The following CDK5R1 variants were observed in gnomAD, a reference collection of about 807,000 sequenced individuals.
The protein encoded by CDK5R1 is cyclin dependent kinase 5 regulatory subunit 1.
A neutral mutation model predicts 19.0 loss-of-function variants in CDK5R1; 1 was observed. The observed-to-expected ratio is 0.05, with a 90% CI of 0.02 to 0.25. The LOEUF (loss-of-function observed/expected upper bound fraction) is 0.25. CDK5R1 is among the 10% of genes least tolerant of loss of function. The probability of loss-of-function intolerance (pLI) is 1.00; values close to 1 mark genes in which losing one functional copy is unlikely to be tolerated. For missense variants in CDK5R1, 314 were observed against 401.0 expected (o/e 0.78, Z 1.85); for synonymous variants, 225 against 187.7 (o/e 1.20, Z -1.62).
Position 32,488,512 on chromosome 17 carries a change from A to G in CDK5R1, c.892A>G (p.Lys298Glu). Residue 298 changes from lysine (K) to glutamate (E), a missense_variant, in exon 2 of 2, where the codon AAG (lysine) becomes GAG (glutamate). This residue lies in a region of CDK5R1 where 106 missense variants were observed against 132.1 expected (regional missense o/e 0.80). Coordinates refer to ENST00000313401, the MANE Select transcript of CDK5R1 (RefSeq NM_003885.3). ...GAAGAACGAGAGCGGCCAGGAGGAC[A>G]AGAAGCGGCTCCTCCTAGGCCTGGA... ...DLKNESGQED[K>E]KRLLLGLDR The G allele has an allele frequency of 6.2e-7, 1 of 1,614,200 alleles. No homozygotes were observed. The highest frequency in any genetic ancestry group is 8.5e-7 in the Non-Finnish European group (1 of 1,180,038).
At position 32,489,074 on chromosome 17, in the gene CDK5R1, G is replaced by C. The variant is rs1243428053; in HGVS notation, c.*530G>C. Reference sequence around the variant, plus strand: ...AATCTAGGCGAGGCGAAGCTGAGCGGGTCTAGTGGAAAGATTGTGTCTGGT... The same window carrying C: ...AATCTAGGCGAGGCGAAGCTGAGCGCGTCTAGTGGAAAGATTGTGTCTGGT... On this transcript the variant is annotated 3_prime_UTR_variant, in exon 2 of 2. Coordinates refer to ENST00000313401, the MANE Select transcript of CDK5R1 (RefSeq NM_003885.3). 2 of 463,148 alleles carry C rather than the reference G, an allele frequency of 4.3e-6. No individual in the cohort carries two copies. The highest frequency in any genetic ancestry group is 7.0e-5 in the East Asian group (1 of 14,262). The allele number at this position is 463,148 out of a possible 1,614,324, so 28.7% of individuals were successfully genotyped here. A position where few individuals can be genotyped will look rare whatever the true frequency, so the allele number is the denominator to read the frequency against.
chr17:32,488,503 CAGG>C lies in CDK5R1; in HGVS notation c.888_890del (p.Glu296del). On this transcript the variant is annotated inframe_deletion, in exon 2 of 2. Transcript: ENST00000313401. Reference sequence around the variant, plus strand: ...CTCCGACCTGAAGAACGAGAGCGGCCAGGAGGACAAGAAGCGGCTCCTCCTAGG... The same window carrying C: ...CTCCGACCTGAAGAACGAGAGCGGCCAGGACAAGAAGCGGCTCCTCCTAGG... 2 of 1,614,170 alleles carry C rather than the reference CAGG, an allele frequency of 1.2e-6. No homozygotes were observed. The highest frequency in any genetic ancestry group is 1.7e-6 in the Non-Finnish European group (2 of 1,180,036).
rs952159062 is a variant in CDK5R1, at chr17:32,487,030, T to TCGC, written c.-269_-267dup. ...GCTGCCGCCGCCGCCGCCGCCGCCG[T>TCGC]CGCCGCCGCCGAGCGCGAGCCCAGC... is the stretch of plus-strand genomic sequence containing the variant. On this transcript the variant is annotated 5_prime_UTR_variant, in exon 1 of 2. Coordinates refer to ENST00000313401, the MANE Select transcript of CDK5R1 (RefSeq NM_003885.3). The surrounding 1 kb of genome is among the most constrained non-coding windows in gnomAD (Gnocchi z 7.9). 4 of 151,632 alleles carry TCGC rather than the reference T, an allele frequency of 2.6e-5. No individual in the cohort carries two copies. The highest frequency in any genetic ancestry group is 7.8e-5 in the African/African-American group (3 of 38,662). 9.4% of individuals were successfully genotyped at this position (151,632 alleles called of 1,614,324 possible).
rs907747231 is a variant in CDK5R1 at position 32,490,234 on chromosome 17, C to T, written c.*1690C>T. ...CTGGCACAGACTTCACACAGCACCT[C>T]CTCTCTGCTGGGTTTCCACACAGCC... On this transcript the variant is annotated 3_prime_UTR_variant, in exon 2 of 2. Coordinates refer to ENST00000313401, the MANE Select transcript of CDK5R1 (RefSeq NM_003885.3). The T allele has an allele frequency of 1.2e-5, 2 of 167,122 alleles. No homozygotes were observed. The highest frequency in any genetic ancestry group is 2.4e-5 in the African/African-American group (1 of 41,456). The allele number at this position is 167,122 out of a possible 1,614,324, so 10.4% of individuals were successfully genotyped here. A position where few individuals can be genotyped will look rare whatever the true frequency, so the allele number is the denominator to read the frequency against.
rs1908726288 is a variant in CDK5R1 at position 32,487,759 on chromosome 17, A to G, written c.139A>G (p.Ile47Val). The stretch of plus-strand genomic sequence containing the variant: ...CAAGAACCTGAAGCGCCACTCCATC[A>G]TCTCCGTGCTGCCTTGGAAGAGAAT... ...KDKNLKRHSI[I>V]SVLPWKRIVA... Residue 47 changes from isoleucine (I) to valine (V), a missense_variant, in exon 2 of 2, where the codon ATC (isoleucine) becomes GTC (valine). By Grantham distance (29) the Ile-to-Val change is conservative. Coordinates refer to ENST00000313401, the MANE Select transcript of CDK5R1 (RefSeq NM_003885.3). This position sits in a 1 kb window ranked among gnomAD's most constrained non-coding sequence, Gnocchi z 7.9. The G allele has an allele frequency of 6.2e-7, 1 of 1,614,126 alleles. No individual in the cohort carries two copies. The highest frequency in any genetic ancestry group is 2.2e-5 in the East Asian group (1 of 44,868).
Position 32,487,496 on chromosome 17 carries a change from C to A in CDK5R1, c.-125C>A. ...TCCAGGCAGATCCAAGGGGGCAGCA[C>A]GCTTCCCGGGAGCGCCCCCGCCTCC... is the stretch of plus-strand genomic sequence containing the variant. On this transcript the variant is annotated 5_prime_UTR_variant, in exon 2 of 2. Coordinates refer to ENST00000313401, the MANE Select transcript of CDK5R1 (RefSeq NM_003885.3). This position sits in a 1 kb window ranked among gnomAD's most constrained non-coding sequence, Gnocchi z 7.9. The A allele has an allele frequency of 3.0e-6, 2 of 668,602 alleles. No homozygotes were observed. The highest frequency in any genetic ancestry group is 5.0e-6 in the Non-Finnish European group (2 of 402,532). The allele number at this position is 668,602 out of a possible 1,614,324, so 41.4% of individuals were successfully genotyped here.
chr17:32,487,654 C>T lies in CDK5R1; in HGVS notation c.34C>T (p.Arg12Trp). Residue 12 changes from arginine to tryptophan, a missense_variant, in exon 2 of 2, where the codon CGG (arginine) becomes TGG (tryptophan). Physicochemically the swap from Arg to Trp is moderately radical, Grantham distance 101. This residue lies in a region of CDK5R1 where 197 missense variants were observed against 230.2 expected (regional missense o/e 0.86). Transcript: ENST00000313401. This position sits in a 1 kb window ranked among gnomAD's most constrained non-coding sequence, Gnocchi z 7.9. The part of the protein sequence containing the change: ...GTVLSLSPSY[R>W]KATLFEDGAA... Reference sequence around the variant, plus strand: ...GGTGCTGTCCCTGTCTCCCAGCTACCGGAAGGCCACGCTGTTTGAGGATGG... The same window carrying T: ...GGTGCTGTCCCTGTCTCCCAGCTACTGGAAGGCCACGCTGTTTGAGGATGG... 2 of 1,613,546 alleles carry T rather than the reference C, an allele frequency of 1.2e-6. No homozygotes were observed. Among genetic ancestry groups the T allele is most frequent in the Non-Finnish European group, 1.7e-6 (2 of 1,179,946 alleles).
chr17:32,490,615 TGCAA>T lies in CDK5R1; in HGVS notation c.*2076_*2079del, dbSNP rs1908837876. 1 of 167,086 alleles carries T rather than the reference TGCAA, an allele frequency of 6.0e-6. No individual in the cohort carries two copies. The highest frequency in any genetic ancestry group is 2.1e-4 in the South Asian group (1 of 4,832). The allele number at this position is 167,086 out of a possible 1,614,324, so 10.4% of individuals were successfully genotyped here. A position where few individuals can be genotyped will look rare whatever the true frequency, so the allele number is the denominator to read the frequency against. ...AAGGAACAACTGATATACTTGAGTG[TGCAA>T]GCAAAGAACCCATTTGCCATGCTGC... On this transcript the variant is annotated 3_prime_UTR_variant, in exon 2 of 2. Transcript: ENST00000313401.
At position 32,491,069 on chromosome 17, in the gene CDK5R1, TG is replaced by T; in HGVS notation, c.*2528del. The T allele has an allele frequency of 1.8e-5, 3 of 167,260 alleles. No individual in the cohort carries two copies. 10.4% of individuals were successfully genotyped at this position (167,260 alleles called of 1,614,324 possible). A position where few individuals can be genotyped will look rare whatever the true frequency, so the allele number is the denominator to read the frequency against. ...CTGTAGCTATTCTTTGACCAAACTG[TG>T]GGTATTGTTAATATTAATTTATATT... On this transcript the variant is annotated 3_prime_UTR_variant, in exon 2 of 2. Coordinates refer to ENST00000313401, the MANE Select transcript of CDK5R1 (RefSeq NM_003885.3).
Position 32,487,299 on chromosome 17 carries a change from AGCG to A in CDK5R1, c.-146+148_-146+150del, listed in dbSNP as rs1255821587. ...CCTCCCGGCTGCGCCTGGGGACCGCAGCGGCGGCGGCGGGCGGGGGTGCTGCAG... is the reference window on the plus strand; with the variant it reads ...CCTCCCGGCTGCGCCTGGGGACCGCAGCGGCGGCGGGCGGGGGTGCTGCAG... On this transcript the variant is annotated intron_variant, in intron 1 of 1. Coordinates refer to ENST00000313401, the MANE Select transcript of CDK5R1 (RefSeq NM_003885.3). This position sits in a 1 kb window ranked among gnomAD's most constrained non-coding sequence, Gnocchi z 7.9. 2.1e-5 allele frequency: 3 copies of A among 143,766 alleles called. No individual in the cohort carries two copies. The highest frequency in any genetic ancestry group is 3.1e-5 in the Non-Finnish European group (2 of 64,906). 8.9% of individuals were successfully genotyped at this position (143,766 alleles called of 1,614,324 possible). A position where few individuals can be genotyped will look rare whatever the true frequency, so the allele number is the denominator to read the frequency against.
chr17:32,488,013 T>C lies in CDK5R1; in HGVS notation c.393T>C (p.Pro131=). 1 of 1,613,068 alleles carries C rather than the reference T, an allele frequency of 6.2e-7. No individual in the cohort carries two copies. The highest frequency in any genetic ancestry group is 8.5e-7 in the Non-Finnish European group (1 of 1,179,720). Residue 131 remains proline, a synonymous_variant, in exon 2 of 2, where the codon CCT becomes CCC. Coordinates refer to ENST00000313401, the MANE Select transcript of CDK5R1 (RefSeq NM_003885.3). ...GSSSVKKAPH[P]AVTSAGTPKR... is the part of the protein sequence containing the mutation. ...CCTCAGTCAAGAAAGCCCCTCACCC[T>C]GCCGTCACCTCCGCAGGGACGCCCA... is the stretch of plus-strand genomic sequence containing the variant.
rs1908771392 is a variant in CDK5R1, at chr17:32,488,845, A to G, written c.*301A>G. 1 of 441,650 alleles carries G rather than the reference A, an allele frequency of 2.3e-6. No individual in the cohort carries two copies. Among genetic ancestry groups the G allele is most frequent in the South Asian group, 2.1e-5 (1 of 47,406 alleles). The allele number at this position is 441,650 out of a possible 1,614,324, so 27.4% of individuals were successfully genotyped here. A position where few individuals can be genotyped will look rare whatever the true frequency, so the allele number is the denominator to read the frequency against. ...GCCCTTGCTGGGTCCAGGGTAGGCAAGGCTGCCGGCTGCACCCTGTATGGA... is the reference window on the plus strand; with the variant it reads ...GCCCTTGCTGGGTCCAGGGTAGGCAGGGCTGCCGGCTGCACCCTGTATGGA... On this transcript the variant is annotated 3_prime_UTR_variant, in exon 2 of 2. Coordinates refer to ENST00000313401, the MANE Select transcript of CDK5R1 (RefSeq NM_003885.3).
Position 32,489,164 on chromosome 17 carries a change from T to G in CDK5R1, c.*620T>G, listed in dbSNP as rs1037587323. ...TTTAGGGAGAAGGGCTTTTCTTTAG[T>G]GGAGAAATGGAACTCGCCCCCCTAC... On this transcript the variant is annotated 3_prime_UTR_variant, in exon 2 of 2. Transcript: ENST00000313401. 1 of 471,150 alleles carries G rather than the reference T, an allele frequency of 2.1e-6. No individual in the cohort carries two copies. The highest frequency in any genetic ancestry group is 2.0e-5 in the African/African-American group (1 of 50,198). 29.2% of individuals were successfully genotyped at this position (471,150 alleles called of 1,614,324 possible).
chr17:32,491,158 G>C lies in CDK5R1; in HGVS notation c.*2614G>C, dbSNP rs1908857136. The C allele has an allele frequency of 6.0e-6, 1 of 167,080 alleles. No homozygotes were observed. The highest frequency in any genetic ancestry group is 1.5e-5 in the Non-Finnish European group (1 of 68,122). The allele number at this position is 167,080 out of a possible 1,614,324, so 10.3% of individuals were successfully genotyped here. ...TATGTGTGGTTTATAATCTGACAAA[G>C]TCATGAAGCTCAGTTTGGCTGTAAT... On this transcript the variant is annotated 3_prime_UTR_variant, in exon 2 of 2. Transcript: ENST00000313401.
At position 32,488,677 on chromosome 17, in the gene CDK5R1, T is replaced by C; in HGVS notation, c.*133T>C. 1 of 1,480,556 alleles carries C rather than the reference T, an allele frequency of 6.8e-7. No individual in the cohort carries two copies. Among genetic ancestry groups the C allele is most frequent in the East Asian group, 2.5e-5 (1 of 40,400 alleles). 91.7% of individuals were successfully genotyped at this position (1,480,556 alleles called of 1,614,324 possible). A position where few individuals can be genotyped will look rare whatever the true frequency, so the allele number is the denominator to read the frequency against. ...CCTTTCCCACAGTCTCTCCCTGGGG[T>C]TTTTTTCATCCCTGCCAAGAACTCT... On this transcript the variant is annotated 3_prime_UTR_variant, in exon 2 of 2. Transcript: ENST00000313401.
In CDK5R1 at chr17:32,488,270, G is replaced by T; in HGVS notation, c.650G>T (p.Gly217Val). The change falls in exon 2 of 2, where the codon GGC becomes GTC. Residue 217 changes from glycine (G) to valine (V), a missense_variant. Transcript: ENST00000313401. ...AGGGATGTTATCTCCTCCGAGGTGG[G>T]CTCGGATCACGAGCTCCAGGCCGTC... ...LCRDVISSEV[G>V]SDHELQAVLL... 1 of 1,614,066 alleles carries T rather than the reference G, an allele frequency of 6.2e-7. No homozygotes were observed.
chr17:32,488,700 T>C lies in CDK5R1; in HGVS notation c.*156T>C, dbSNP rs566809971. The C allele has an allele frequency of 5.7e-6, 8 of 1,398,514 alleles. No individual in the cohort carries two copies. In the African/African-American group the frequency reaches 5.7e-5, roughly 10 times the overall value. The allele number at this position is 1,398,514 out of a possible 1,614,324, so 86.6% of individuals were successfully genotyped here. A position where few individuals can be genotyped will look rare whatever the true frequency, so the allele number is the denominator to read the frequency against. On this transcript the variant is annotated 3_prime_UTR_variant, in exon 2 of 2. Coordinates refer to ENST00000313401, the MANE Select transcript of CDK5R1 (RefSeq NM_003885.3). ...GGTTTTTTTCATCCCTGCCAAGAAC[T>C]CTGGGCACTTTTGAACTCACGAGCC...
Position 32,487,161 on chromosome 17 carries a change from G to A in CDK5R1, c.-147G>A, listed in dbSNP as rs544860678. 1.4e-5 allele frequency: 2 copies of A among 147,046 alleles called. No homozygotes were observed. The highest frequency in any genetic ancestry group is 3.0e-5 in the Non-Finnish European group (2 of 66,030). 9.1% of individuals were successfully genotyped at this position (147,046 alleles called of 1,614,324 possible). ...CGGAGCGCAGGAGCTGCCGCCTGCC[G>A]GGTAAGCCTGCGCTGGGCGGCCGTC... On this transcript the variant is annotated splice_region_variant and 5_prime_UTR_variant, in exon 1 of 2. Coordinates refer to ENST00000313401, the MANE Select transcript of CDK5R1 (RefSeq NM_003885.3). The surrounding 1 kb of genome is among the most constrained non-coding windows in gnomAD (Gnocchi z 7.9).
chr17:32,488,405 T>C lies in CDK5R1; in HGVS notation c.785T>C (p.Leu262Pro). The C allele has an allele frequency of 1.2e-6, 2 of 1,614,056 alleles. No individual in the cohort carries two copies. The highest frequency in any genetic ancestry group is 1.7e-6 in the Non-Finnish European group (2 of 1,180,020). ...SCKEAFWDRC[L>P]SVINLMSSKM... Reference sequence around the variant, plus strand: ...AAGGAGGCCTTTTGGGACCGTTGCCTCTCTGTCATCAACCTCATGAGCTCA... The same window carrying C: ...AAGGAGGCCTTTTGGGACCGTTGCCCCTCTGTCATCAACCTCATGAGCTCA... The change falls in exon 2 of 2, where the codon CTC (leucine) becomes CCC (proline). Residue 262 changes from leucine (L) to proline (P), a missense_variant. By Grantham distance (98) the Leu-to-Pro change is moderately conservative. This residue lies in a region of CDK5R1 where 106 missense variants were observed against 132.1 expected (regional missense o/e 0.80). Transcript: ENST00000313401.
Sources: gnomAD v4.1 joint callset for allele counts on GRCh38, gnomAD v4.1.1 for gene constraint, gnomAD v4.1.1 regional missense constraint, Gnocchi (gnomAD v3.1) non-coding constraint, MANE v1.5 for transcripts, NCBI Gene and HGNC (gene_info 2026-07-23, HGNC 2026-07-21) for gene names.